NEK3: variants seen among roughly 807,000 people sequenced by gnomAD.
NEK3 encodes NIMA related kinase 3.
NEK3 carries 54 observed loss-of-function variants against 66.0 expected under a neutral mutation model. The ratio of observed to expected loss-of-function variants is 0.82; its 90% CI spans 0.66 to 1.03. The LOEUF is 1.03. Among genes scored for constraint, NEK3 ranks in the 50% least tolerant of loss-of-function variants. The pLI is 0.00. For synonymous variants in NEK3, 200 were observed against 206.2 expected (o/e 0.97, Z 0.26); for missense variants, 593 against 603.0 (o/e 0.98, Z 0.17).
intron 1 of NEK3, among the ~76,000 whole-genome samples, chr13:52,158,956 C>G (rs1956419686): frequency 6.6e-6 from 1 of 152,132 alleles, no homozygotes; most frequent in Non-Finnish European, 1.5e-5. Flanking sequence ...GTGTAAACTT[C>G]AAGACAAGGG....
rs898252721 is a variant in NEK3 at position 52,143,965 on chromosome 13, T to G, written c.827A>C (p.Glu276Ala). 1.3e-6 allele frequency: 2 copies of G among 1,505,504 alleles called. No individual in the cohort carries two copies. Among genetic ancestry groups the G allele is most frequent in the Non-Finnish European group, 9.0e-7 (1 of 1,110,670 alleles). The allele number at this position is 1,505,504 out of a possible 1,614,324, so 93.3% of individuals were successfully genotyped here. The change falls in exon 10 of 16, where the codon GAA (glutamate) becomes GCA (alanine). Residue 276 changes from glutamate to alanine, a missense_variant. Glu to Ala is a moderately radical substitution (Grantham distance 107). Coordinates refer to ENST00000610828, the MANE Select transcript of NEK3 (RefSeq NM_002498.3). ...CGAATTTTTTATTTCTTCTAATACTTCCTCACCATATTCCATGATGATCTG... is the reference window on the plus strand; with the variant it reads ...CGAATTTTTTATTTCTTCTAATACTGCCTCACCATATTCCATGATGATCTG... ...PPEIIMEYGE[E>A]VLEEIKNSKH...
Position 52,148,270 on chromosome 13 carries a change from G to T in NEK3, c.603+145C>A. On this transcript the variant is annotated intron_variant, in intron 8 of 15. Coordinates refer to ENST00000610828, the MANE Select transcript of NEK3 (RefSeq NM_002498.3). ...TAGTATATGCTACAAAACTAACTCA[G>T]GGCAGATGACTGCACTGGAAACATA... 5 of 676,266 alleles carry T rather than the reference G, an allele frequency of 7.4e-6. No homozygotes were observed. In the East Asian group the frequency reaches 1.0e-4, roughly 14 times the overall value. The allele number at this position is 676,266 out of a possible 1,614,324, so 41.9% of individuals were successfully genotyped here.
intron 7 of NEK3, among the ~76,000 whole-genome samples, chr13:52,148,927 T>C (rs1391253667): frequency 6.6e-6 from 1 of 152,200 alleles, no homozygotes; most frequent in Non-Finnish European, 1.5e-5. Flanking sequence ...AGTCTTGCTC[T>C]GTTGCCCAGG....
chr13:52,154,941 A>C (rs1380620250), intron 2 of NEK3, among the ~76,000 whole-genome samples: 1 of 151,384 alleles, frequency 6.6e-6, no homozygotes, highest in Non-Finnish European at 1.5e-5. Flanking sequence ...TGGGCAATAG[A>C]GCAAGACCCC....
intron 11 of NEK3, 73 bp from the exon 12 acceptor site, chr13:52,136,975 T>G (rs1045049671): frequency 1.0e-6 from 1 of 987,140 alleles, no homozygotes; most frequent in African/African-American, 1.7e-5. Flanking sequence ...ATATGCAAAG[T>G]CAGCCATTTT....
chr13:52,134,534 A>C (rs1956186524), intron 14 of NEK3, among the ~76,000 whole-genome samples: 1 of 152,202 alleles, frequency 6.6e-6, no homozygotes. Context: ...ATGCATGCTT[A>C]AAAAAATTTT....
At position 52,144,845 on chromosome 13, in the gene NEK3, C is replaced by T. The variant is rs1303024731; in HGVS notation, c.650G>A (p.Gly217Glu). Residue 217 changes from glycine (G) to glutamate (E), a missense_variant, in exon 9 of 16, where the codon GGG becomes GAG. Physicochemically the swap from Gly to Glu is moderately conservative, Grantham distance 98. Coordinates refer to ENST00000610828, the MANE Select transcript of NEK3 (RefSeq NM_002498.3). ...WKNLILKVCQGCISPLPSHYS... is the reference protein window; with the variant it reads ...WKNLILKVCQECISPLPSHYS... The stretch of plus-strand genomic sequence containing the variant: ...ATGAGACGGCAGTGGACTGATGCAC[C>T]CTTGACATACTTTGAGGATAAGATT... 6.2e-7 allele frequency: 1 copy of T among 1,612,072 alleles called. No individual in the cohort carries two copies. Among genetic ancestry groups the T allele is most frequent in the Admixed American group, 1.7e-5 (1 of 59,706 alleles).
intron 11 of NEK3, among the ~76,000 whole-genome samples, chr13:52,137,813 A>G (rs1367782484): frequency 6.6e-6 from 1 of 152,186 alleles, no homozygotes; most frequent in African/African-American, 2.4e-5. Flanking sequence ...CTTCATTGCC[A>G]TCGTCCTTTG....
At position 52,159,585 on chromosome 13, in the gene NEK3, C is replaced by G. The variant is rs1176314619; in HGVS notation, c.-100G>C. ...CTAGTCCACTCCTTGGCCTGGCAAC[C>G]GGCGGCTTCCGCGGGGCGGGCCCGG... On this transcript the variant is annotated 5_prime_UTR_variant, in exon 1 of 16. Coordinates refer to ENST00000610828, the MANE Select transcript of NEK3 (RefSeq NM_002498.3). 6.6e-6 allele frequency: 1 copy of G among 152,104 alleles called. No homozygotes were observed. Among genetic ancestry groups the G allele is most frequent in the Non-Finnish European group, 1.5e-5 (1 of 68,060 alleles). The allele number at this position is 152,104 out of a possible 1,614,324, so 9.4% of individuals were successfully genotyped here.
At chr13:52,147,927 C>A (rs541298859) in intron 8 of NEK3, among the ~76,000 whole-genome samples, 2 of 152,028 alleles carry the variant, frequency 1.3e-5, no homozygotes, top group African/African-American at 4.8e-5. Flanking sequence ...ACCCAGGAGG[C>A]GGAGGTTGCA....
intron 10 of NEK3, among the ~76,000 whole-genome samples, chr13:52,141,467 G>T (rs1314760788): frequency 6.6e-6 from 1 of 152,186 alleles, no homozygotes; most frequent in Non-Finnish European, 1.5e-5. Flanking sequence ...CTAAAAAGAA[G>T]TGAGCTGTTT....
chr13:52,136,238 C>T lies in NEK3; in HGVS notation c.1052G>A (p.Arg351Lys). 1 of 1,613,628 alleles carries T rather than the reference C, an allele frequency of 6.2e-7. No homozygotes were observed. Among genetic ancestry groups the T allele is most frequent in the Non-Finnish European group, 8.5e-7 (1 of 1,179,696 alleles). Residue 351 changes from arginine to lysine, a missense_variant, in exon 13 of 16, where the codon AGG becomes AAG. Physicochemically the swap from Arg to Lys is conservative, Grantham distance 26. Transcript: ENST00000610828. Reference protein sequence around the residue: ...EEKGNKSVHLRKASSPNLHRR... With the variant: ...EEKGNKSVHLKKASSPNLHRR... ...ATGAAGATTTGGTGAACTGGCTTTC[C>T]TCAGATGGACTGACTTATTACCTGA... is the stretch of plus-strand genomic sequence containing the variant.
At chr13:52,133,347 C>A (rs531636778) in intron 15 of NEK3, 121 bp from the exon 16 acceptor site, 3 of 815,566 alleles carry the variant, frequency 3.7e-6, no homozygotes, top group Non-Finnish European at 5.8e-6. Flanking sequence ...TTCCATAAGG[C>A]AACTGAAGGG....
chr13:52,134,524 A>G (rs1461966502), intron 14 of NEK3, among the ~76,000 whole-genome samples: 1 of 152,204 alleles, frequency 6.6e-6, no homozygotes, highest in Non-Finnish European at 1.5e-5. Flanking sequence ...GGAAGACCAC[A>G]TGCATGCTTA....
At position 52,135,620 on chromosome 13, in the gene NEK3, T is replaced by G. The variant is rs923283753; in HGVS notation, c.1309+109A>C. On this transcript the variant is annotated intron_variant, in intron 14 of 15. Coordinates refer to ENST00000610828, the MANE Select transcript of NEK3 (RefSeq NM_002498.3). ...AACAATGTGACGTACTTAGTGCTAC[T>G]GAACTGTACACCTTAAAATGGTTCA... 4.3e-6 allele frequency: 4 copies of G among 940,562 alleles called. No individual in the cohort carries two copies. The African/African-American group carries it at 6.7e-5, about 16-fold the overall frequency. 58.3% of individuals were successfully genotyped at this position (940,562 alleles called of 1,614,324 possible). A position where few individuals can be genotyped will look rare whatever the true frequency, so the allele number is the denominator to read the frequency against.
At chr13:52,146,913 C>T (rs1056260049) in intron 8 of NEK3, among the ~76,000 whole-genome samples, 15 of 152,144 alleles carry the variant, frequency 9.9e-5, no homozygotes, top group Non-Finnish European at 1.8e-4. Flanking sequence ...CCCTCAAGTA[C>T]ATCTGTAAAA....
At chr13:52,141,264 T>C (rs1035779415) in intron 10 of NEK3, among the ~76,000 whole-genome samples, 195 bp from the exon 11 acceptor site, 1 of 152,242 alleles carries the variant, frequency 6.6e-6, no homozygotes, top group Non-Finnish European at 1.5e-5. Context: ...TGAAAGAGGC[T>C]ATTTCCACTG....
chr13:52,133,143 T>TA lies in NEK3; in HGVS notation c.1519dup (p.Ter507LeufsTer38). ...GACTCAGGAACATTTCCTCAGGCAT[T>TA]ATCTGTCGCACAGGCCTTGCCATCC... On this transcript the variant is annotated frameshift_variant and stop_lost, in exon 16 of 16. Transcript: ENST00000610828. LOFTEE classifies it high-confidence loss of function. 1 of 1,608,058 alleles carries TA rather than the reference T, an allele frequency of 6.2e-7. No individual in the cohort carries two copies. The highest frequency in any genetic ancestry group is 8.5e-7 in the Non-Finnish European group (1 of 1,177,308).
At position 52,144,749 on chromosome 13, in the gene NEK3, G is replaced by A. The variant is rs535454722; in HGVS notation, c.746C>T (p.Thr249Ile). Reference protein sequence around the residue: ...KRNPSHRPSATTLLSRGIVAR... With the variant: ...KRNPSHRPSAITLLSRGIVAR... ...TACGATGCCTCGAGAGAGAAGCGTT[G>A]TAGCCGAGGGGCGATGTGAGGGATT... Residue 249 changes from threonine to isoleucine, a missense_variant, in exon 9 of 16, where the codon ACA becomes ATA. By Grantham distance (89) the Thr-to-Ile change is moderately conservative (BLOSUM62 -1). Transcript: ENST00000610828. The A allele has an allele frequency of 6.2e-7, 1 of 1,613,938 alleles. No individual in the cohort carries two copies. The highest frequency in any genetic ancestry group is 2.2e-5 in the East Asian group (1 of 44,854).
Sources: gnomAD v4.1 joint callset for allele counts (sites outside exome capture counted in the v4.1 genomes callset) on GRCh38, gnomAD v4.1.1 for gene constraint, MANE v1.5 for transcripts, NCBI Gene and HGNC (gene_info 2026-07-23, HGNC 2026-07-21) for gene names.